KCNQ1: variants seen among roughly 807,000 people sequenced by gnomAD.
KCNQ1 encodes potassium voltage-gated channel subfamily Q member 1.
Under a neutral mutation model 72.4 loss-of-function variants are expected in KCNQ1, and 49 were observed. That is an observed-to-expected ratio of 0.68 (90% CI 0.54 to 0.86). The LOEUF (loss-of-function observed/expected upper bound fraction) is 0.86, where lower values mean the gene tolerates loss of function less well. Ranked by LOEUF, KCNQ1 falls within the 40% of genes least tolerant of loss-of-function variation. The pLI is 0.00. For missense variants in KCNQ1, 790 were observed against 945.1 expected (o/e 0.84, Z 2.15); for synonymous variants, 450 against 412.6 (o/e 1.09, Z -1.10).
At position 2,679,488 on chromosome 11, in the gene KCNQ1, T is replaced by C; in HGVS notation, c.1514+17407T>C. On this transcript the variant is annotated intron_variant, in intron 11 of 15. Coordinates refer to ENST00000155840, the MANE Select transcript of KCNQ1 (RefSeq NM_000218.3). This position sits in a 1 kb window ranked among gnomAD's most constrained non-coding sequence, Gnocchi z 4.8. ...AGTATGCAGAAAAGTGCCTGTCCTA[T>C]AGTAGTGACACAGTGTTACTTAAAT... 2.5e-6 allele frequency: 1 copy of C among 398,642 alleles called. No individual in the cohort carries two copies. The allele number at this position is 398,642 out of a possible 1,614,324, so 24.7% of individuals were successfully genotyped here.
At chr11:2,528,970 A>G (rs1300375317) in intron 2 of KCNQ1, among the ~76,000 whole-genome samples, 1 of 152,028 alleles carries the variant, frequency 6.6e-6, no homozygotes, top group Non-Finnish European at 1.5e-5. Flanking sequence ...AGCTGGAAGA[A>G]CTCACCTGTG....
chr11:2,635,541 A>G (rs1187890996), intron 10 of KCNQ1: 3 of 152,028 alleles, frequency 2.0e-5, no homozygotes, highest in African/African-American at 7.3e-5. Flanking sequence ...ATTGGTCTAT[A>G]TCTCTGTTTT....
chr11:2,655,570 C>T (rs1849830946), intron 10 of KCNQ1: 2 of 398,740 alleles, frequency 5.0e-6, no homozygotes, highest in East Asian at 3.6e-5. Flanking sequence ...GAAATACCCA[C>T]TTCAGAGGTG....
In KCNQ1 at chr11:2,559,178, C is replaced by T. The variant is rs530987501; in HGVS notation, c.478-11450C>T. ...CAAAATATTGCACTTTCGTTGCTCT[C>T]TGAAAGCCTACCAGGCAGTCTTCCC... On this transcript the variant is annotated intron_variant, in intron 2 of 15. Transcript: ENST00000155840. This position sits in a 1 kb window ranked among gnomAD's most constrained non-coding sequence, Gnocchi z 4.9. 1.8e-4 allele frequency among the ~76,000 whole-genome samples: 27 copies of T among 152,206 alleles called. No individual in the cohort carries two copies. Among genetic ancestry groups the T allele is most frequent in the African/African-American group, 6.3e-4 (26 of 41,550 alleles).
intron 1 of KCNQ1, among the ~76,000 whole-genome samples, chr11:2,525,255 T>C (rs1847476638): frequency 6.6e-6 from 1 of 152,186 alleles, no homozygotes; most frequent in Non-Finnish European, 1.5e-5. Flanking sequence ...CCCGGAATGG[T>C]GCCCAGTGCA....
chr11:2,834,183 A>G (rs1848015493), intron 15 of KCNQ1, among the ~76,000 whole-genome samples: 1 of 151,886 alleles, frequency 6.6e-6, no homozygotes, highest in African/African-American at 2.4e-5. Flanking sequence ...ATGGTGTGGC[A>G]CATGGCATGG....
intron 10 of KCNQ1, chr11:2,632,196 A>AAC: frequency 2.5e-6 from 1 of 397,940 alleles, no homozygotes; most frequent in African/African-American, 2.1e-5. Context: ...AAAAAAAAAA[A>AAC]AAAAAAAGAA....
At chr11:2,716,603 G>GT (rs1055883122) in intron 11 of KCNQ1, among the ~76,000 whole-genome samples, 1 of 152,220 alleles carries the variant, frequency 6.6e-6, no homozygotes, top group African/African-American at 2.4e-5. Context: ...GCAGGGCCTG[G>GT]TGGAATTCCA....
At chr11:2,534,584 C>A (rs1357738635) in intron 2 of KCNQ1, among the ~76,000 whole-genome samples, 1 of 152,358 alleles carries the variant, frequency 6.6e-6, no homozygotes, top group East Asian at 1.9e-4. Flanking sequence ...TCGGGGGCAA[C>A]TCCCCACTAG....
chr11:2,681,760 G>C, intron 11 of KCNQ1: 1 of 398,444 alleles, frequency 2.5e-6, no homozygotes, highest in Non-Finnish European at 4.4e-6. Context: ...GGCACTGTGG[G>C]GGCCCTGGGA....
At chr11:2,832,902 A>G (rs1847981732) in intron 15 of KCNQ1, among the ~76,000 whole-genome samples, 1 of 152,122 alleles carries the variant, frequency 6.6e-6, no homozygotes. Flanking sequence ...AGCCATGCCC[A>G]GCTCAGGGGG....
chr11:2,627,237 T>C lies in KCNQ1; in HGVS notation c.1394-34724T>C, dbSNP rs1849275594. 5.0e-6 allele frequency: 2 copies of C among 398,444 alleles called. No homozygotes were observed. The highest frequency in any genetic ancestry group is 2.5e-4 in the South Asian group (2 of 7,856). 24.7% of individuals were successfully genotyped at this position (398,444 alleles called of 1,614,324 possible). On this transcript the variant is annotated intron_variant, in intron 10 of 15. Transcript: ENST00000155840. The surrounding 1 kb of genome is among the most constrained non-coding windows in gnomAD (Gnocchi z 4.9). Reference sequence around the variant, plus strand: ...AAAAGTGCATATATTTAAGAACATATTTGACCTACTGTGAAATGATTACTA... The same window carrying C: ...AAAAGTGCATATATTTAAGAACATACTTGACCTACTGTGAAATGATTACTA...
intron 10 of KCNQ1, chr11:2,628,155 A>G (rs974434471): frequency 3.8e-5 from 15 of 398,506 alleles, no homozygotes; most frequent in Non-Finnish European, 5.8e-5. Context: ...TATACCCGGA[A>G]CTGAGACTGC....
Position 2,723,481 on chromosome 11 carries a change from C to T in KCNQ1, c.1515-45363C>T, listed in dbSNP as rs1033766422. On this transcript the variant is annotated intron_variant, in intron 11 of 15. Transcript: ENST00000155840. The surrounding 1 kb of genome is among the most constrained non-coding windows in gnomAD (Gnocchi z 4.2). ...CAGGTGGTACTTGGCAGCTGTGGCA[C>T]GTGGAAGCCCTACACAGGCAGCCCC... Among the ~76,000 whole-genome samples the T allele has an allele frequency of 6.6e-6, 1 of 152,196 alleles. No homozygotes were observed. Among genetic ancestry groups the T allele is most frequent in the Non-Finnish European group, 1.5e-5 (1 of 68,044 alleles).
At chr11:2,799,264 G>A (rs1469433475) in intron 15 of KCNQ1, among the ~76,000 whole-genome samples, 3 of 152,234 alleles carry the variant, frequency 2.0e-5, no homozygotes, top group Non-Finnish European at 4.4e-5. Flanking sequence ...CAGATTCCAT[G>A]TGGCTGTCCA....
chr11:2,555,733 C>A (rs1474345985), intron 2 of KCNQ1, among the ~76,000 whole-genome samples: 3 of 152,262 alleles, frequency 2.0e-5, no homozygotes, highest in Non-Finnish European at 4.4e-5. Context: ...CATTTTCCTG[C>A]CCCTGGGCCT....
At chr11:2,629,117 T>G (rs1849309932) in intron 10 of KCNQ1, 1 of 398,162 alleles carries the variant, frequency 2.5e-6, no homozygotes, top group African/African-American at 2.1e-5. Flanking sequence ...TTTTTGTCTA[T>G]ATCTGTGAAA....
At chr11:2,839,230 C>A (rs1848151983) in intron 15 of KCNQ1, among the ~76,000 whole-genome samples, 1 of 152,242 alleles carries the variant, frequency 6.6e-6, no homozygotes, top group Non-Finnish European at 1.5e-5. Context: ...GCACCTGGGC[C>A]TCCTGCCCAG....
In KCNQ1 at chr11:2,571,973, C is replaced by T. The variant is rs761958285; in HGVS notation, c.684-40C>T. The T allele has an allele frequency of 3.8e-6, 6 of 1,561,410 alleles. No individual in the cohort carries two copies. The East Asian group carries it at 1.4e-4, about 35-fold the overall frequency. ...CTAGGCCCGGCGTGAACAGCTGAGC[C>T]CAGCCTGGCTCCCTCAGCCCCACAC... is the stretch of plus-strand genomic sequence containing the variant. On this transcript the variant is annotated intron_variant, in intron 4 of 15. Coordinates refer to ENST00000155840, the MANE Select transcript of KCNQ1 (RefSeq NM_000218.3).
Sources: gnomAD v4.1 joint callset for allele counts (sites outside exome capture counted in the v4.1 genomes callset) on GRCh38, gnomAD v4.1.1 for gene constraint, Gnocchi (gnomAD v3.1) non-coding constraint, MANE v1.5 for transcripts, NCBI Gene and HGNC (gene_info 2026-07-23, HGNC 2026-07-21) for gene names.